DENND2B: variants seen among roughly 807,000 people sequenced by gnomAD.
The protein encoded by DENND2B is DENN domain-containing protein 2B.
In DENND2B, 32 loss-of-function variants were observed where a neutral mutation model predicts 116.0. That is an observed-to-expected ratio of 0.28 (90% CI 0.21 to 0.37). The LOEUF is 0.37. Ranked by LOEUF, DENND2B falls within the 10% of genes least tolerant of loss-of-function variation. DENND2B has a pLI of 1.00. For synonymous variants in DENND2B, 588 were observed against 583.9 expected (o/e 1.01, Z -0.10); for missense variants, 1,276 against 1,477.7 (o/e 0.86, Z 2.24).
chr11:8,904,630 T>C (rs2064212768), intron 1 of DENND2B, among the ~76,000 whole-genome samples: 1 of 152,186 alleles, frequency 6.6e-6, no homozygotes, highest in Non-Finnish European at 1.5e-5. Flanking sequence ...TAGCCTTTCT[T>C]TATTCACAGA....
chr11:8,724,190 G>A (rs899589293), intron 4 of DENND2B, among the ~76,000 whole-genome samples: 4 of 152,082 alleles, frequency 2.6e-5, no homozygotes, highest in African/African-American at 9.7e-5. Context: ...CAGCTGCTGG[G>A]AAGGCTGAGG....
At chr11:8,716,177 C>T (rs4061049) in intron 5 of DENND2B, among the ~76,000 whole-genome samples, 26,915 of 152,086 alleles carry the variant, frequency 0.18, 4,186 homozygotes, top group African/African-American at 0.42. Flanking sequence ...ACCAGTCTTC[C>T]GGACCTCTGC....
At chr11:8,886,933 A>T (rs1018148509) in intron 1 of DENND2B, among the ~76,000 whole-genome samples, 5 of 152,026 alleles carry the variant, frequency 3.3e-5, no homozygotes, top group African/African-American at 1.2e-4. Context: ...GGTTCAAGCG[A>T]TTCTCCTGCC....
At chr11:8,849,214 C>T (rs34152382) in intron 3 of DENND2B, among the ~76,000 whole-genome samples, 1 of 151,898 alleles carries the variant, frequency 6.6e-6, no homozygotes, top group Admixed American at 6.6e-5. Flanking sequence ...TACTACAGGC[C>T]GGGCGCGGTG....
intron 1 of DENND2B, among the ~76,000 whole-genome samples, chr11:8,893,618 G>A (rs1362344650): frequency 2.0e-5 from 3 of 152,108 alleles, no homozygotes; most frequent in African/African-American, 4.8e-5. Flanking sequence ...CAAACAGAGA[G>A]CCAAATCATG....
At chr11:8,797,596 A>C (rs78898937) in intron 1 of DENND2B, among the ~76,000 whole-genome samples, 12,602 of 138,360 alleles carry the variant, frequency 0.091, 1,213 homozygotes, top group African/African-American at 0.26. Flanking sequence ...CTTCTCTTCT[A>C]TTCTTTTCTC....
intron 4 of DENND2B, among the ~76,000 whole-genome samples, chr11:8,816,984 T>C (rs1317794399): frequency 6.6e-6 from 1 of 151,710 alleles, no homozygotes; most frequent in Non-Finnish European, 1.5e-5. Context: ...CAGACAGAGG[T>C]CCATCACCAA....
intron 4 of DENND2B, among the ~76,000 whole-genome samples, chr11:8,826,585 T>G (rs923031176): frequency 6.6e-6 from 1 of 152,182 alleles, no homozygotes; most frequent in East Asian, 1.9e-4. Context: ...AGAAGAGCAG[T>G]GGCCATTCAA....
At chr11:8,866,454 T>C (rs979013640) in intron 2 of DENND2B, among the ~76,000 whole-genome samples, 5 of 152,184 alleles carry the variant, frequency 3.3e-5, no homozygotes, top group Admixed American at 6.5e-5. Context: ...CTCTCAAAAC[T>C]AGGTTCAAGA....
rs766604444 is a variant in DENND2B at position 8,731,101 on chromosome 11, G to A, written c.189C>T (p.Ser63=). The change falls in exon 3 of 20, where the codon TCC becomes TCT. Residue 63 remains serine, a synonymous_variant. Transcript: ENST00000313726. ...SACRYPSHSS[S]RVLLKDRHPP... is the part of the protein sequence containing the mutation. Reference sequence around the variant, plus strand: ...GGTGCCGGTCCTTGAGGAGCACCCGGGAGCTGGAGTGGCTGGGGTACCTGC... The same window carrying A: ...GGTGCCGGTCCTTGAGGAGCACCCGAGAGCTGGAGTGGCTGGGGTACCTGC... The A allele has an allele frequency of 1.9e-6, 3 of 1,608,680 alleles. No homozygotes were observed. Among genetic ancestry groups the A allele is most frequent in the East Asian group, 4.5e-5 (2 of 44,786 alleles).
At chr11:8,783,142 A>G (rs1399817693) in intron 1 of DENND2B, among the ~76,000 whole-genome samples, 4 of 149,094 alleles carry the variant, frequency 2.7e-5, no homozygotes, top group African/African-American at 1.0e-4. Context: ...ATAGCCTCCA[A>G]CTCCTGGGTT....
At chr11:8,822,058 A>G (rs972241721) in intron 4 of DENND2B, among the ~76,000 whole-genome samples, 4 of 152,188 alleles carry the variant, frequency 2.6e-5, no homozygotes, top group African/African-American at 9.7e-5. Context: ...TTATTTTCTT[A>G]AATTAAATCA....
At chr11:8,768,968 C>T (rs774762444) in intron 1 of DENND2B, 1 of 152,234 alleles carries the variant, frequency 6.6e-6, no homozygotes, top group Non-Finnish European at 1.5e-5. Flanking sequence ...AACTCTCAGG[C>T]CTGCAGGAAC....
intron 4 of DENND2B, among the ~76,000 whole-genome samples, chr11:8,825,318 G>A (rs2061936139): frequency 6.6e-6 from 1 of 151,660 alleles, no homozygotes; most frequent in Non-Finnish European, 1.5e-5. Context: ...CCACATGTAT[G>A]TCTTCTTTTG....
chr11:8,774,390 C>G, intron 1 of DENND2B: 1 of 924,216 alleles, frequency 1.1e-6, no homozygotes, highest in Non-Finnish European at 1.3e-6. Flanking sequence ...TTCCTGCTTT[C>G]CCTTCCTCCA....
chr11:8,759,402 C>G (rs1011111074), intron 1 of DENND2B, among the ~76,000 whole-genome samples: 1 of 152,240 alleles, frequency 6.6e-6, no homozygotes, highest in Admixed American at 6.5e-5. Context: ...AATGTCACCA[C>G]TGAGAGGAAA....
chr11:8,779,115 T>C lies in DENND2B; in HGVS notation c.-25-28390A>G, dbSNP rs1316456320. On this transcript the variant is annotated intron_variant, in intron 1 of 19. Transcript: ENST00000313726. ...GGCACTGAGACACAACAGCAAACGA[T>C]GCAAGTGTGGGACACAAACTAGAAA... 5.9e-5 allele frequency among the ~76,000 whole-genome samples: 9 copies of C among 152,176 alleles called. 1 individual carries two copies. In the East Asian group the frequency reaches 1.7e-3, roughly 29 times the overall value.
intron 2 of DENND2B, among the ~76,000 whole-genome samples, chr11:8,865,876 G>C (rs1193932243): frequency 1.3e-5 from 2 of 150,904 alleles, no homozygotes; most frequent in Non-Finnish European, 3.0e-5. Flanking sequence ...TCCAGTCCTG[G>C]GGAATTGTCC....
chr11:8,837,011 C>T (rs1296847381), intron 4 of DENND2B, among the ~76,000 whole-genome samples: 2 of 152,178 alleles, frequency 1.3e-5, no homozygotes, highest in African/African-American at 2.4e-5. Context: ...CCACCATGCC[C>T]GGCCCTCAGT....
Sources: gnomAD v4.1 joint callset for allele counts (sites outside exome capture counted in the v4.1 genomes callset) on GRCh38, gnomAD v4.1.1 for gene constraint, MANE v1.5 for transcripts, NCBI Gene and HGNC (gene_info 2026-07-23, HGNC 2026-07-21) for gene names.